The following KIF26B variants were observed in gnomAD, a reference collection of about 807,000 sequenced individuals.
The protein encoded by KIF26B is kinesin family member 26B.
In KIF26B, 63 loss-of-function variants were observed where a neutral mutation model predicts 151.2. The observed-to-expected ratio is 0.42, with a 90% CI of 0.34 to 0.51. KIF26B has a LOEUF of 0.51. Among genes scored for constraint, KIF26B ranks in the 20% least tolerant of loss-of-function variants. The probability of loss-of-function intolerance (pLI) is 0.07; values close to 1 mark genes in which losing one functional copy is unlikely to be tolerated. For missense variants in KIF26B, 2,813 were observed against 2,913.6 expected (o/e 0.97, Z 0.79); for synonymous variants, 1,357 against 1,262.1 (o/e 1.08, Z -1.59).
At position 245,448,770 on chromosome 1, in the gene KIF26B, T is replaced by G. The variant is rs527675229; in HGVS notation, c.1166+29025T>G. On this transcript the variant is annotated intron_variant, in intron 4 of 14. Transcript: ENST00000407071. ...TTGGCATCACAACCTATAGTCAAAG[T>G]GATGAATCCTCTTGCATAACACAAC... Among the ~76,000 whole-genome samples, 7 of 152,356 alleles carry G rather than the reference T, an allele frequency of 4.6e-5. No individual in the cohort carries two copies. The East Asian group carries it at 1.3e-3, about 29-fold the overall frequency.
rs6671940 is a variant in KIF26B at position 245,155,106 on chromosome 1, A to C, written c.-319A>C. ...TCGCTTTCCTCGTGGGGGAGCACGG[A>C]CTGACTTGGCTGAAGAAAATGCCAG... On this transcript the variant is annotated 5_prime_UTR_variant, in exon 1 of 15. Transcript: ENST00000407071. 2.0e-6 allele frequency: 1 copy of C among 504,786 alleles called. No homozygotes were observed. Among genetic ancestry groups the C allele is most frequent in the Non-Finnish European group, 3.4e-6 (1 of 292,564 alleles). The allele number at this position is 504,786 out of a possible 1,614,324, so 31.3% of individuals were successfully genotyped here. A position where few individuals can be genotyped will look rare whatever the true frequency, so the allele number is the denominator to read the frequency against.
intron 4 of KIF26B, among the ~76,000 whole-genome samples, chr1:245,532,008 A>G (rs540047544): frequency 5.3e-5 from 8 of 152,240 alleles, no homozygotes; most frequent in Admixed American, 5.2e-4. Context: ...GGATCACTTC[A>G]GCCCAGAAGT....
intron 2 of KIF26B, among the ~76,000 whole-genome samples, chr1:245,228,397 C>T (rs1038681176): frequency 6.6e-6 from 1 of 152,058 alleles, no homozygotes; most frequent in African/African-American, 2.4e-5. Flanking sequence ...GGAAATCCCA[C>T]CTCTACTAAA....
intron 3 of KIF26B, among the ~76,000 whole-genome samples, chr1:245,411,578 C>G (rs1475671642): frequency 1.3e-5 from 2 of 152,176 alleles, no homozygotes; most frequent in Admixed American, 1.3e-4. Flanking sequence ...GAGAGGCATG[C>G]ATCTGTGGGT....
At chr1:245,578,617 T>C (rs2043147079) in intron 5 of KIF26B, among the ~76,000 whole-genome samples, 1 of 152,214 alleles carries the variant, frequency 6.6e-6, no homozygotes, top group Non-Finnish European at 1.5e-5. Context: ...AGCTGAGAGA[T>C]TAGAAGCTTT....
chr1:245,661,672 A>T (rs1558256791), intron 10 of KIF26B, among the ~76,000 whole-genome samples: 3 of 147,808 alleles, frequency 2.0e-5, no homozygotes, highest in Admixed American at 6.8e-5. Flanking sequence ...ACACACACTC[A>T]ATATATATAT....
intron 4 of KIF26B, among the ~76,000 whole-genome samples, chr1:245,476,692 T>C (rs557591539): frequency 6.6e-6 from 1 of 151,570 alleles, no homozygotes; most frequent in South Asian, 2.1e-4. Flanking sequence ...CATGCCATCA[T>C]GCCCAGCGAT....
At chr1:245,254,859 A>C (rs1670505396) in intron 2 of KIF26B, among the ~76,000 whole-genome samples, 2 of 152,182 alleles carry the variant, frequency 1.3e-5, no homozygotes, top group Non-Finnish European at 2.9e-5. Context: ...TTTCAGGAGC[A>C]TGGCTTATGA....
At chr1:245,361,992 C>T (rs1243757718) in intron 2 of KIF26B, among the ~76,000 whole-genome samples, 1 of 151,514 alleles carries the variant, frequency 6.6e-6, no homozygotes, top group Non-Finnish European at 1.5e-5. Context: ...CTTCCCTCTG[C>T]GGTGGTCGTA....
chr1:245,372,851 T>A (rs2103013531), intron 3 of KIF26B, among the ~76,000 whole-genome samples: 1 of 152,336 alleles, frequency 6.6e-6, no homozygotes, highest in Non-Finnish European at 1.5e-5. Flanking sequence ...TCTTACCTAG[T>A]TCAAGCCTGT....
chr1:245,274,677 C>T (rs1297547650), intron 2 of KIF26B, among the ~76,000 whole-genome samples: 3 of 152,120 alleles, frequency 2.0e-5, no homozygotes, highest in Admixed American at 1.3e-4. Flanking sequence ...GTGAACAGTG[C>T]CGCAATAAAC....
At chr1:245,625,035 C>A (rs1445082448) in intron 9 of KIF26B, among the ~76,000 whole-genome samples, 1 of 151,954 alleles carries the variant, frequency 6.6e-6, no homozygotes, top group Non-Finnish European at 1.5e-5. Context: ...GCTATTATTT[C>A]TCTACTAAAT....
intron 2 of KIF26B, among the ~76,000 whole-genome samples, chr1:245,279,364 G>C (rs1040495708): frequency 6.7e-6 from 1 of 148,280 alleles, no homozygotes; most frequent in South Asian, 2.1e-4. Context: ...CTGGAGTGCA[G>C]TGGTGCAATT....
chr1:245,491,176 A>G (rs1660402239), intron 4 of KIF26B, among the ~76,000 whole-genome samples: 1 of 152,106 alleles, frequency 6.6e-6, no homozygotes, highest in South Asian at 2.1e-4. Context: ...CTCTACCAAT[A>G]TCATCCAAAG....
chr1:245,405,761 AT>A (rs2103029202), intron 3 of KIF26B, among the ~76,000 whole-genome samples: 1 of 152,240 alleles, frequency 6.6e-6, no homozygotes, highest in African/African-American at 2.4e-5. Context: ...TTGGCCTGGA[AT>A]AGATCTAAGG....
At chr1:245,701,242 G>GA (rs973766504) in intron 14 of KIF26B, among the ~76,000 whole-genome samples, 6 of 152,122 alleles carry the variant, frequency 3.9e-5, no homozygotes, top group African/African-American at 9.7e-5. Flanking sequence ...AAACAGTAAT[G>GA]AAAAAAAGGA....
chr1:245,505,007 T>C (rs6428927), intron 4 of KIF26B, among the ~76,000 whole-genome samples: 89,810 of 151,666 alleles, frequency 0.59, 27,112 homozygotes, highest in East Asian at 0.91. Context: ...GGCACACTCT[T>C]GGCTCACTGC....
At chr1:245,236,067 C>G (rs1558356590) in intron 2 of KIF26B, among the ~76,000 whole-genome samples, 1 of 151,968 alleles carries the variant, frequency 6.6e-6, no homozygotes, top group Admixed American at 6.6e-5. Context: ...GTAGCTGGGA[C>G]TACAGGTGTG....
intron 5 of KIF26B, among the ~76,000 whole-genome samples, chr1:245,562,588 G>GCC (rs57636731): frequency 0.079 from 10,653 of 135,128 alleles, 1,011 homozygotes; most frequent in East Asian, 0.56. Context: ...GCCAAGCCCC[G>GCC]CCCCCCCCTT....
Sources: allele counts gnomAD v4.1 joint callset (sites outside exome capture counted in the v4.1 genomes callset), GRCh38; gene constraint gnomAD v4.1.1; transcripts MANE v1.5; gene names NCBI Gene and HGNC (gene_info 2026-07-23, HGNC 2026-07-21).